The following ZBTB2 variants were observed in gnomAD, a reference collection of about 807,000 sequenced individuals.
ZBTB2 encodes zinc finger and BTB domain-containing protein 2.
In ZBTB2, 2 loss-of-function variants were observed where a neutral mutation model predicts 39.5. That is an observed-to-expected ratio of 0.05 (90% CI 0.02 to 0.16). The LOEUF is 0.16. Ranked by LOEUF, ZBTB2 falls within the 10% of genes least tolerant of loss-of-function variation. ZBTB2 has a pLI of 1.00. For synonymous variants in ZBTB2, 251 were observed against 256.6 expected (o/e 0.98, Z 0.21); for missense variants, 391 against 653.0 (o/e 0.60, Z 4.37).
intron 1 of ZBTB2, among the ~76,000 whole-genome samples, chr6:151,386,737 G>T (rs1582925009): frequency 6.6e-6 from 1 of 152,230 alleles, no homozygotes; most frequent in South Asian, 2.1e-4. Context: ...CAATATTTTA[G>T]AGCAGAGCTT....
At chr6:151,384,956 T>A (rs1394356676) in intron 1 of ZBTB2, among the ~76,000 whole-genome samples, 1 of 152,142 alleles carries the variant, frequency 6.6e-6, no homozygotes, top group Non-Finnish European at 1.5e-5. Context: ...TTCTTACTGA[T>A]CGCAGTCACA....
chr6:151,380,515 G>A lies in ZBTB2; in HGVS notation c.-12-6866C>T, dbSNP rs111745573. Among the ~76,000 whole-genome samples the A allele has an allele frequency of 7.9e-3, 1,199 of 152,214 alleles. 8 individuals carry two copies. Among genetic ancestry groups the A allele is most frequent in the Middle Eastern group, 0.031 (9 of 294 alleles). On this transcript the variant is annotated intron_variant, in intron 1 of 2. Transcript: ENST00000325144. Reference sequence around the variant, plus strand: ...CCTCGTGGATGGCTTGGCTGAGGCCGCCCCTCTTTTGTGGGAATGGCTGTC... The same window carrying A: ...CCTCGTGGATGGCTTGGCTGAGGCCACCCCTCTTTTGTGGGAATGGCTGTC...
chr6:151,382,611 C>T (rs1055027879), intron 1 of ZBTB2, among the ~76,000 whole-genome samples: 5 of 150,360 alleles, frequency 3.3e-5, no homozygotes, highest in African/African-American at 1.2e-4. Context: ...AGTGAAATGG[C>T]GCGCAATCTT....
intron 1 of ZBTB2, among the ~76,000 whole-genome samples, chr6:151,389,094 T>C (rs1454879802): frequency 6.6e-6 from 1 of 152,188 alleles, no homozygotes; most frequent in Non-Finnish European, 1.5e-5. Context: ...TTTAAAAGGA[T>C]GTCCTATTAG....
At chr6:151,386,937 T>C (rs1369783273) in intron 1 of ZBTB2, among the ~76,000 whole-genome samples, 2 of 152,242 alleles carry the variant, frequency 1.3e-5, no homozygotes, top group Admixed American at 6.5e-5. Context: ...AAAATAATTG[T>C]ATTTTCTAAA....
Position 151,366,992 on chromosome 6 carries a change from C to T in ZBTB2, c.174-100G>A, listed in dbSNP as rs972629839. The T allele has an allele frequency of 1.9e-4, 237 of 1,218,640 alleles. No homozygotes were observed. The highest frequency in any genetic ancestry group is 2.5e-4 in the Non-Finnish European group (219 of 885,216). 75.5% of individuals were successfully genotyped at this position (1,218,640 alleles called of 1,614,324 possible). A position where few individuals can be genotyped will look rare whatever the true frequency, so the allele number is the denominator to read the frequency against. On this transcript the variant is annotated intron_variant, in intron 2 of 2. Coordinates refer to ENST00000325144, the MANE Select transcript of ZBTB2 (RefSeq NM_020861.3). The surrounding 1 kb of genome is among the most constrained non-coding windows in gnomAD (Gnocchi z 7.1). ...GAATGCTTAAAAACAAAGGAAACAACATTTCCTATCCTTGATTTTTAGTAA... is the reference window on the plus strand; with the variant it reads ...GAATGCTTAAAAACAAAGGAAACAATATTTCCTATCCTTGATTTTTAGTAA...
At chr6:151,372,865 C>T (rs1275997808) in intron 2 of ZBTB2, among the ~76,000 whole-genome samples, 1 of 151,894 alleles carries the variant, frequency 6.6e-6, no homozygotes, top group African/African-American at 2.4e-5. Context: ...TTATAATGGA[C>T]CTGATCTTGC....
chr6:151,382,502 G>A (rs913282202), intron 1 of ZBTB2, among the ~76,000 whole-genome samples: 1 of 148,644 alleles, frequency 6.7e-6, no homozygotes, highest in East Asian at 2.0e-4. Context: ...TGATCCACCC[G>A]CCTCGGCCTC....
At chr6:151,368,172 A>T (rs1778690912) in intron 2 of ZBTB2, among the ~76,000 whole-genome samples, 1 of 151,772 alleles carries the variant, frequency 6.6e-6, no homozygotes, top group Non-Finnish European at 1.5e-5. Context: ...TTTGAGACGG[A>T]GTCTTGCTCT....
chr6:151,372,566 G>A (rs533881322), intron 2 of ZBTB2, among the ~76,000 whole-genome samples: 1 of 152,232 alleles, frequency 6.6e-6, no homozygotes, highest in Admixed American at 6.5e-5. Flanking sequence ...CCCAGCATGA[G>A]GGAAGAAGGG....
At chr6:151,377,627 G>A (rs186472327) in intron 1 of ZBTB2, among the ~76,000 whole-genome samples, 169 of 139,358 alleles carry the variant, frequency 1.2e-3, no homozygotes, top group African/African-American at 4.3e-3. Context: ...TGACACCTCC[G>A]TTGCTGGGTT....
At chr6:151,379,637 G>GAAAAAAA (rs61085296) in intron 1 of ZBTB2, among the ~76,000 whole-genome samples, 43 of 65,852 alleles carry the variant, frequency 6.5e-4, no homozygotes, top group African/African-American at 1.2e-3. Context: ...GACCCTGTCT[G>GAAAAAAA]AAAAAAAAAA....
chr6:151,381,943 A>G (rs1196799908), intron 1 of ZBTB2, among the ~76,000 whole-genome samples: 1 of 152,230 alleles, frequency 6.6e-6, no homozygotes, highest in Non-Finnish European at 1.5e-5. Flanking sequence ...GTTCTGAGAA[A>G]TGCATCGTCA....
rs536278332 is a variant in ZBTB2 at position 151,379,465 on chromosome 6, A to AC, written c.-12-5817dup. Among the ~76,000 whole-genome samples, 134 of 151,580 alleles carry AC rather than the reference A, an allele frequency of 8.8e-4. No individual in the cohort carries two copies. In the Middle Eastern group the frequency reaches 0.014, roughly 15 times the overall value. On this transcript the variant is annotated intron_variant, in intron 1 of 2. Coordinates refer to ENST00000325144, the MANE Select transcript of ZBTB2 (RefSeq NM_020861.3). ...AGACCAGCCTGGGCAACATGGAGAG[A>AC]CCCCCATCTCTATAAAAAATTTAAA...
intron 2 of ZBTB2, among the ~76,000 whole-genome samples, chr6:151,367,361 T>C (rs569605333): frequency 6.6e-5 from 10 of 152,332 alleles, no homozygotes; most frequent in Non-Finnish European, 1.0e-4. Flanking sequence ...CCTCAAGTGA[T>C]CAGCCCTCCT....
Position 151,377,739 on chromosome 6 carries a change from T to C in ZBTB2, c.-12-4090A>G, listed in dbSNP as rs190265274. The stretch of plus-strand genomic sequence containing the variant: ...GTAGAGATGGGGTTTCACCATGTTG[T>C]TAGCCAGGACAGTCTTGATCTCCTG... On this transcript the variant is annotated intron_variant, in intron 1 of 2. Coordinates refer to ENST00000325144, the MANE Select transcript of ZBTB2 (RefSeq NM_020861.3). Among the ~76,000 whole-genome samples the C allele has an allele frequency of 4.9e-4, 75 of 151,918 alleles. 1 individual carries two copies. Among genetic ancestry groups the C allele is most frequent in the African/African-American group, 1.8e-3 (74 of 41,440 alleles).
At position 151,366,726 on chromosome 6, in the gene ZBTB2, C is replaced by G; in HGVS notation, c.340G>C (p.Ala114Pro). The G allele has an allele frequency of 6.2e-7, 1 of 1,614,062 alleles. No homozygotes were observed. Among genetic ancestry groups the G allele is most frequent in the Non-Finnish European group, 8.5e-7 (1 of 1,180,004 alleles). Residue 114 changes from alanine (A) to proline (P), a missense_variant, in exon 3 of 3, where the codon GCC (alanine) becomes CCC (proline). Transcript: ENST00000325144. The surrounding 1 kb of genome is among the most constrained non-coding windows in gnomAD (Gnocchi z 7.1). The part of the protein sequence containing the change: ...AYPLIQEASL[A>P]SQGAFSHPDQ... ...GGGTGAGAAAAGGCTCCCTGGCTGG[C>G]GAGGCTGGCTTCCTGAATGAGCGGG... is the stretch of plus-strand genomic sequence containing the variant.
intron 1 of ZBTB2, among the ~76,000 whole-genome samples, chr6:151,388,638 A>AT (rs1246951834): frequency 2.0e-5 from 3 of 152,168 alleles, no homozygotes; most frequent in Non-Finnish European, 4.4e-5. Flanking sequence ...AAGTGCTGGG[A>AT]TTATAGGCGT....
intron 1 of ZBTB2, among the ~76,000 whole-genome samples, chr6:151,375,383 G>A (rs1388819874): frequency 1.3e-5 from 2 of 152,044 alleles, no homozygotes; most frequent in African/African-American, 2.4e-5. Flanking sequence ...TAAACAAACA[G>A]ATATACTATG....
Sources: allele counts gnomAD v4.1 joint callset (sites outside exome capture counted in the v4.1 genomes callset), GRCh38; gene constraint gnomAD v4.1.1; non-coding constraint Gnocchi (gnomAD v3.1); transcripts MANE v1.5; gene names NCBI Gene and HGNC (gene_info 2026-07-23, HGNC 2026-07-21).